CDKAL1: variants seen among roughly 807,000 people sequenced by gnomAD.
The protein encoded by CDKAL1 is threonylcarbamoyladenosine tRNA methylthiotransferase.
CDKAL1 carries 32 observed loss-of-function variants against 68.2 expected under a neutral mutation model. The observed-to-expected ratio is 0.47, with a 90% CI of 0.35 to 0.63. CDKAL1 has a LOEUF of 0.63. Ranked by LOEUF, CDKAL1 falls within the 30% of genes least tolerant of loss-of-function variation. The pLI is 0.00. For synonymous variants in CDKAL1, 234 were observed against 244.3 expected, an observed-to-expected ratio of 0.96 and a Z score of 0.39; for missense variants, 606 against 696.7, an observed-to-expected ratio of 0.87 and a Z score of 1.47.
rs530119466 is a variant in CDKAL1 at position 20,812,303 on chromosome 6, G to T, written c.638+31038G>T. Among the ~76,000 whole-genome samples, 5 of 152,176 alleles carry T rather than the reference G, an allele frequency of 3.3e-5. 1 individual carries two copies. In the South Asian group the frequency reaches 1.0e-3, roughly 32 times the overall value. On this transcript the variant is annotated intron_variant, in intron 8 of 15. Transcript: ENST00000274695. ...ACCATGAATCATTATGCACTTGGGG[G>T]ATTTTCTTTAGAAAAGCATTTCTAA...
intron 13 of CDKAL1, among the ~76,000 whole-genome samples, chr6:21,132,257 TTAA>T: frequency 6.6e-6 from 1 of 152,234 alleles, no homozygotes; most frequent in South Asian, 2.1e-4. Context: ...ATTAAGGAAA[TTAA>T]TTATATAAGT....
intron 13 of CDKAL1, among the ~76,000 whole-genome samples, chr6:21,173,513 CA>C (rs1173887438): frequency 4.6e-5 from 7 of 152,284 alleles, no homozygotes; most frequent in African/African-American, 1.7e-4. Flanking sequence ...AATGAACATG[CA>C]TTGACACTCA....
intron 5 of CDKAL1, among the ~76,000 whole-genome samples, chr6:20,693,069 G>T (rs1039875705): frequency 6.8e-6 from 1 of 146,954 alleles, no homozygotes; most frequent in Non-Finnish European, 1.5e-5. Context: ...GGCAGAGCTT[G>T]CAGTGAGCCG....
chr6:20,600,978 C>G (rs562057361), intron 4 of CDKAL1, among the ~76,000 whole-genome samples: 177 of 151,902 alleles, frequency 1.2e-3, no homozygotes, highest in African/African-American at 3.8e-3. Flanking sequence ...TTTTTGTTAC[C>G]AAGTTCTGAG....
At position 20,765,373 on chromosome 6, in the gene CDKAL1, G is replaced by T. The variant is rs1774652864; in HGVS notation, c.517+6730G>T. Among the ~76,000 whole-genome samples, 3 of 116,128 alleles carry T rather than the reference G, an allele frequency of 2.6e-5. 1 individual carries two copies. In the South Asian group the frequency reaches 1.1e-3, roughly 43 times the overall value. 76.2% of individuals were successfully genotyped at this position (116,128 alleles called of 152,430 possible). A position where few individuals can be genotyped will look rare whatever the true frequency, so the allele number is the denominator to read the frequency against. On this transcript the variant is annotated intron_variant, in intron 7 of 15. Coordinates refer to ENST00000274695, the MANE Select transcript of CDKAL1 (RefSeq NM_017774.3). ...GGGTTTCACCGTTTTAGCCGGGATGGTCTCGATCTCCTGACCTCGTGATCC... is the reference window on the plus strand; with the variant it reads ...GGGTTTCACCGTTTTAGCCGGGATGTTCTCGATCTCCTGACCTCGTGATCC...
chr6:20,750,913 G>A (rs974992431), intron 6 of CDKAL1, among the ~76,000 whole-genome samples: 6 of 122,548 alleles, frequency 4.9e-5, no homozygotes, highest in Non-Finnish European at 6.4e-5. Context: ...GCAGTGAGCC[G>A]AGATTACACC....
chr6:21,020,849 G>A (rs538659854), intron 11 of CDKAL1, among the ~76,000 whole-genome samples: 12 of 149,900 alleles, frequency 8.0e-5, no homozygotes, highest in African/African-American at 2.0e-4. Flanking sequence ...GGGCTCAAGC[G>A]ATCCTTTTGT....
chr6:20,654,039 G>A lies in CDKAL1; in HGVS notation c.371+4662G>A, dbSNP rs909048858. Among the ~76,000 whole-genome samples, 7 of 151,968 alleles carry A rather than the reference G, an allele frequency of 4.6e-5. No individual in the cohort carries two copies. In the East Asian group the frequency reaches 5.8e-4, roughly 13 times the overall value. On this transcript the variant is annotated intron_variant, in intron 5 of 15. Coordinates refer to ENST00000274695, the MANE Select transcript of CDKAL1 (RefSeq NM_017774.3). ...TGGGATTACAGGCATGAGCCACCGCGCCTAGTCAGTTTTTTGTATTTTTAG... is the reference window on the plus strand; with the variant it reads ...TGGGATTACAGGCATGAGCCACCGCACCTAGTCAGTTTTTTGTATTTTTAG...
chr6:20,642,499 C>A, intron 4 of CDKAL1, among the ~76,000 whole-genome samples: 1 of 143,560 alleles, frequency 7.0e-6, no homozygotes. Flanking sequence ...AAAAACACTG[C>A]GAGGGGCCCT....
At chr6:20,776,966 T>A (rs549455407) in intron 7 of CDKAL1, among the ~76,000 whole-genome samples, 46 of 151,994 alleles carry the variant, frequency 3.0e-4, no homozygotes, top group Non-Finnish European at 5.3e-4. Context: ...TCAGGTTCAG[T>A]GGAGATTTTG....
chr6:20,722,407 C>A, intron 5 of CDKAL1: 1 of 244,850 alleles, frequency 4.1e-6, no homozygotes, highest in Non-Finnish European at 8.1e-6. Flanking sequence ...AGGCAGCATT[C>A]TCTTAGATTT....
intron 4 of CDKAL1, among the ~76,000 whole-genome samples, chr6:20,599,954 C>T (rs750567625): frequency 6.6e-6 from 1 of 152,112 alleles, no homozygotes; most frequent in Non-Finnish European, 1.5e-5. Flanking sequence ...TGACAATTTA[C>T]CTTTTCATAC....
At chr6:20,557,764 T>C (rs1764115745) in intron 4 of CDKAL1, among the ~76,000 whole-genome samples, 1 of 152,040 alleles carries the variant, frequency 6.6e-6, no homozygotes, top group African/African-American at 2.4e-5. Flanking sequence ...CCATCTCTAC[T>C]AGAAATACAA....
chr6:20,663,395 A>G (rs147805750), intron 5 of CDKAL1, among the ~76,000 whole-genome samples: 35 of 152,216 alleles, frequency 2.3e-4, no homozygotes, highest in African/African-American at 7.7e-4. Flanking sequence ...TCTATCATTT[A>G]TCAGGTCCAT....
At chr6:21,155,771 C>T (rs1263234291) in intron 13 of CDKAL1, among the ~76,000 whole-genome samples, 1 of 152,164 alleles carries the variant, frequency 6.6e-6, no homozygotes, top group African/African-American at 2.4e-5. Context: ...TTCATAAAAT[C>T]TGTGAGAAGG....
At chr6:21,105,928 T>C (rs1264861611) in intron 12 of CDKAL1, among the ~76,000 whole-genome samples, 4 of 152,196 alleles carry the variant, frequency 2.6e-5, no homozygotes, top group Non-Finnish European at 5.9e-5. Context: ...CCTCTGTAAA[T>C]TTAGAAACAT....
At chr6:20,986,650 TAAA>T in intron 10 of CDKAL1, among the ~76,000 whole-genome samples, 1 of 149,134 alleles carries the variant, frequency 6.7e-6, no homozygotes, top group East Asian at 2.0e-4. Flanking sequence ...GTATATTTAA[TAAA>T]AAAAAAAAAG....
At chr6:21,033,989 G>A (rs547355588) in intron 11 of CDKAL1, among the ~76,000 whole-genome samples, 1 of 152,284 alleles carries the variant, frequency 6.6e-6, no homozygotes, top group African/African-American at 2.4e-5. Context: ...AGCAGCAGCA[G>A]CAGCAGCAGC....
chr6:21,070,399 C>CTTTTTTTTTTTTTTTTTTTT (rs57391327), intron 12 of CDKAL1, among the ~76,000 whole-genome samples: 1 of 139,334 alleles, frequency 7.2e-6, no homozygotes, highest in African/African-American at 2.6e-5. Context: ...TTGTTTCTCT[C>CTTTTTTTTTTTTTTTTTTTT]TTTTTTTTTT....
Sources: gnomAD v4.1 joint callset for allele counts (sites outside exome capture counted in the v4.1 genomes callset) on GRCh38, gnomAD v4.1.1 for gene constraint, MANE v1.5 for transcripts, NCBI Gene and HGNC (gene_info 2026-07-23, HGNC 2026-07-21) for gene names.